Variants in PTPRM observed in about 807,000 individuals in gnomAD.
The protein encoded by PTPRM is protein tyrosine phosphatase receptor type M.
In PTPRM, 47 loss-of-function variants were observed where a neutral mutation model predicts 186.7. The ratio of observed to expected loss-of-function variants is 0.25; its 90% confidence interval spans 0.20 to 0.32. The LOEUF is 0.32. Ranked by LOEUF, PTPRM falls within the 10% of genes least tolerant of loss-of-function variation. The pLI is 1.00. For missense variants in PTPRM, 1,494 were observed against 1,865.0 expected (o/e 0.80, Z 3.66); for synonymous variants, 668 against 674.9 (o/e 0.99, Z 0.16).
intron 4 of PTPRM, among the ~76,000 whole-genome samples, chr18:7,925,759 G>T (rs992312497): frequency 6.6e-6 from 1 of 152,160 alleles, no homozygotes; most frequent in African/African-American, 2.4e-5. Flanking sequence ...ATAAGGAAAT[G>T]TTTTCCTAAA....
At chr18:7,762,137 T>C (rs539128909) in intron 1 of PTPRM, among the ~76,000 whole-genome samples, 51 of 152,230 alleles carry the variant, frequency 3.4e-4, no homozygotes, top group African/African-American at 1.2e-3. Context: ...GACAAGCATG[T>C]CCAAAGTTAC....
intron 1 of PTPRM, among the ~76,000 whole-genome samples, chr18:7,589,842 TG>T (rs2037077384): frequency 6.6e-6 from 1 of 152,114 alleles, no homozygotes; most frequent in African/African-American, 2.4e-5. Flanking sequence ...TTTTGGACAG[TG>T]GGTAGTTTCC....
chr18:8,184,173 A>AGCAG (rs2093613655), intron 14 of PTPRM, among the ~76,000 whole-genome samples: 1 of 152,174 alleles, frequency 6.6e-6, no homozygotes, highest in Admixed American at 6.5e-5. Context: ...ACAGTATTCA[A>AGCAG]GCAGGCAAGT....
chr18:8,105,148 G>C (rs1201527976), intron 11 of PTPRM, among the ~76,000 whole-genome samples: 1 of 152,160 alleles, frequency 6.6e-6, no homozygotes, highest in Non-Finnish European at 1.5e-5. Context: ...AAATGTCATT[G>C]AGTGGTAAAA....
intron 1 of PTPRM, among the ~76,000 whole-genome samples, chr18:7,574,461 TTC>T (rs2036637486): frequency 6.6e-6 from 1 of 152,260 alleles, no homozygotes; most frequent in African/African-American, 2.4e-5. Context: ...TTATTAATAA[TTC>T]TTATTGAAAT....
intron 7 of PTPRM, among the ~76,000 whole-genome samples, chr18:7,972,478 T>TAAAAAAAAAAAAAAAAA (rs1491072208): frequency 2.5e-4 from 2 of 8,132 alleles, no homozygotes; most frequent in Non-Finnish European, 5.8e-4. Flanking sequence ...AAAAAAAACA[T>TAAAAAAAAAAAAAAAAA]TAAAAAAAAA....
chr18:8,068,826 G>A (rs1281850990), intron 7 of PTPRM, among the ~76,000 whole-genome samples: 2 of 152,172 alleles, frequency 1.3e-5, no homozygotes, highest in Non-Finnish European at 2.9e-5. Context: ...TTGGCCGGGT[G>A]TGGTGGCACA....
chr18:7,919,195 G>A lies in PTPRM; in HGVS notation c.548-7373G>A, dbSNP rs112276569. On this transcript the variant is annotated intron_variant, in intron 4 of 32. Transcript: ENST00000580170. ...GTACCATGCTGTTTTGGTTACTAAA[G>A]CTTTATACTACATTTTGAAATCAGG... 7.3e-3 allele frequency among the ~76,000 whole-genome samples: 1,111 copies of A among 152,200 alleles called. 14 individuals carry two copies. Among genetic ancestry groups the A allele is most frequent in the African/African-American group, 0.025 (1,059 of 41,538 alleles).
chr18:7,572,014 G>A (rs186503193), intron 1 of PTPRM, among the ~76,000 whole-genome samples: 2 of 152,162 alleles, frequency 1.3e-5, no homozygotes, highest in Admixed American at 6.5e-5. Flanking sequence ...AGGTGCTTTC[G>A]CTAGATTGAA....
At chr18:7,985,533 A>G (rs923855843) in intron 7 of PTPRM, among the ~76,000 whole-genome samples, 2 of 136,610 alleles carry the variant, frequency 1.5e-5, no homozygotes, top group African/African-American at 2.6e-5. Context: ...AGATACGTAT[A>G]TAAATATATA....
intron 7 of PTPRM, among the ~76,000 whole-genome samples, chr18:7,990,275 A>G (rs76441725): frequency 0.025 from 3,801 of 152,152 alleles, 60 homozygotes; most frequent in African/African-American, 0.04. Context: ...AAATGCACCA[A>G]TGTCTTTGTA....
intron 2 of PTPRM, among the ~76,000 whole-genome samples, chr18:7,827,058 T>A (rs1476032676): frequency 6.6e-6 from 1 of 152,180 alleles, no homozygotes; most frequent in Non-Finnish European, 1.5e-5. Context: ...GCTGTGATCA[T>A]GCCATTGTAC....
At chr18:7,707,467 A>AAATAATAAT (rs140187676) in intron 1 of PTPRM, among the ~76,000 whole-genome samples, 1 of 151,128 alleles carries the variant, frequency 6.6e-6, no homozygotes, top group South Asian at 2.1e-4. Flanking sequence ...CCCTTCTCTA[A>AAATAATAAT]AATAATAATA....
intron 5 of PTPRM, among the ~76,000 whole-genome samples, chr18:7,938,548 A>G (rs1356257702): frequency 6.6e-6 from 1 of 152,222 alleles, no homozygotes; most frequent in Non-Finnish European, 1.5e-5. Flanking sequence ...GATTTGGCCA[A>G]GTTAACCCAG....
chr18:8,085,909 G>A, intron 10 of PTPRM, 37 bp downstream of exon 10: 1 of 1,585,460 alleles, frequency 6.3e-7, no homozygotes, highest in South Asian at 1.1e-5. Context: ...TTTATCAGAA[G>A]TAACATTTTT....
Position 8,253,300 on chromosome 18 carries a change from C to T in PTPRM, c.2640C>T (p.Ala880=), listed in dbSNP as rs762045156. The change falls in exon 19 of 33, where the codon GCC becomes GCT. Residue 880 remains alanine, a synonymous_variant. Transcript: ENST00000580170. Reference sequence around the variant, plus strand: ...ATACTTACAAGAAGCGAGAGCCGGCCGACGTGCCCTATCAGACTGGGCAGC... The same window carrying T: ...ATACTTACAAGAAGCGAGAGCCGGCTGACGTGCCCTATCAGACTGGGCAGC... ...QSHTYKKREP[A]DVPYQTGQLH... The T allele has an allele frequency of 2.3e-5, 37 of 1,597,624 alleles. No homozygotes were observed. The highest frequency in any genetic ancestry group is 1.6e-4 in the South Asian group (14 of 88,146).
intron 1 of PTPRM, among the ~76,000 whole-genome samples, chr18:7,725,628 T>C (rs2040532653): frequency 6.8e-6 from 1 of 148,014 alleles, no homozygotes; most frequent in Non-Finnish European, 1.5e-5. Flanking sequence ...GAGACTATGG[T>C]TGGATGTCGG....
At chr18:8,282,960 G>T (rs2147760541) in intron 19 of PTPRM, among the ~76,000 whole-genome samples, 1 of 152,298 alleles carries the variant, frequency 6.6e-6, no homozygotes, top group South Asian at 2.1e-4. Flanking sequence ...AGGGCATTGT[G>T]CTCAGGAAAA....
At chr18:7,631,124 G>A (rs1350995217) in intron 1 of PTPRM, among the ~76,000 whole-genome samples, 3 of 152,220 alleles carry the variant, frequency 2.0e-5, no homozygotes, top group Middle Eastern at 3.4e-3. Flanking sequence ...ACAAATGTAA[G>A]ACTTTAATTA....
Sources: allele counts gnomAD v4.1 joint callset (sites outside exome capture counted in the v4.1 genomes callset), GRCh38; gene constraint gnomAD v4.1.1; transcripts MANE v1.5; gene names NCBI Gene and HGNC (gene_info 2026-07-23, HGNC 2026-07-21).